TNR: variants seen among roughly 807,000 people sequenced by gnomAD.
The protein encoded by TNR is tenascin-R.
Under a neutral mutation model 150.4 loss-of-function variants are expected in TNR, and 45 were observed. The ratio of observed to expected loss-of-function variants is 0.30; its 90% CI spans 0.24 to 0.38. The LOEUF (loss-of-function observed/expected upper bound fraction) is 0.38. Ranked by LOEUF, TNR falls within the 10% of genes least tolerant of loss-of-function variation. TNR has a pLI of 1.00. For missense variants in TNR, 1,544 were observed against 1,759.1 expected, an observed-to-expected ratio of 0.88 and a Z score of 2.19; for synonymous variants, 687 against 678.4, an observed-to-expected ratio of 1.01 and a Z score of -0.20.
At chr1:175,691,009 G>A (rs1666345870) in intron 1 of TNR, among the ~76,000 whole-genome samples, 1 of 152,194 alleles carries the variant, frequency 6.6e-6, no homozygotes, top group Admixed American at 6.5e-5. Flanking sequence ...TGGACTGTTG[G>A]ATGAAGAATT....
In TNR at chr1:175,440,713, T is replaced by C. The variant is rs532142443; in HGVS notation, c.-63-33936A>G. Among the ~76,000 whole-genome samples, 3 of 152,228 alleles carry C rather than the reference T, an allele frequency of 2.0e-5. No homozygotes were observed. In the East Asian group the frequency reaches 5.8e-4, roughly 29 times the overall value. ...TCAGTGTCGGGGGAGGATTCAGTTC[T>C]GTTAAGAGTTGAGAATAGATTCAGT... On this transcript the variant is annotated intron_variant, in intron 2 of 22. Coordinates refer to ENST00000367674, the MANE Select transcript of TNR (RefSeq NM_003285.3).
At chr1:175,535,042 A>G (rs1273669345) in intron 1 of TNR, among the ~76,000 whole-genome samples, 1 of 152,178 alleles carries the variant, frequency 6.6e-6, no homozygotes, top group African/African-American at 2.4e-5. Flanking sequence ...CTGTGAGTCA[A>G]TTAAACCTCT....
At position 175,406,292 on chromosome 1, in the gene TNR, G is replaced by T. The variant is rs1215247478; in HGVS notation, c.423C>A (p.Ile141=). 2 of 1,614,012 alleles carry T rather than the reference G, an allele frequency of 1.2e-6. No homozygotes were observed. The highest frequency in any genetic ancestry group is 3.3e-5 in the Admixed American group (2 of 60,004). ...AQVLQELLSR[I]EMLEREVSVL... ...CCGACACCTCCCTCTCCAGCATCTC[G>T]ATCCGGCTCAGCAGCTCCTGCAGCA... is the stretch of plus-strand genomic sequence containing the variant. The change falls in exon 3 of 23, where the codon ATC becomes ATA. Residue 141 remains isoleucine (I), a synonymous_variant. Transcript: ENST00000367674.
intron 1 of TNR, among the ~76,000 whole-genome samples, chr1:175,728,608 A>G (rs534061076): frequency 1.3e-5 from 2 of 152,318 alleles, no homozygotes; most frequent in African/African-American, 2.4e-5. Flanking sequence ...TCTGCTTTCC[A>G]TAAGTGCTAC....
At chr1:175,640,881 G>A (rs1664636331) in intron 1 of TNR, among the ~76,000 whole-genome samples, 1 of 151,676 alleles carries the variant, frequency 6.6e-6, no homozygotes, top group Non-Finnish European at 1.5e-5. Flanking sequence ...AATTAAATGT[G>A]TAACCCCTGT....
intron 2 of TNR, among the ~76,000 whole-genome samples, chr1:175,481,237 A>AGTGAACAAATGAATGAATGAATGT (rs1352120216): frequency 2.0e-5 from 3 of 152,236 alleles, no homozygotes; most frequent in African/African-American, 7.2e-5. Flanking sequence ...TTGATGAATG[A>AGTGAACAAATGAATGAATGAATGT]GTGAACAAAT....
intron 1 of TNR, among the ~76,000 whole-genome samples, chr1:175,547,225 C>T (rs1660726312): frequency 6.6e-6 from 1 of 152,216 alleles, no homozygotes; most frequent in African/African-American, 2.4e-5. Context: ...CAGATATCAG[C>T]ATCTCTGCCC....
chr1:175,466,406 T>G (rs1460020107), intron 2 of TNR, among the ~76,000 whole-genome samples: 1 of 152,220 alleles, frequency 6.6e-6, no homozygotes, highest in Admixed American at 6.5e-5. Context: ...CCCCATTTGG[T>G]CACTTGGCTT....
At chr1:175,325,866 T>G in intron 21 of TNR, among the ~76,000 whole-genome samples, 1 of 147,832 alleles carries the variant, frequency 6.8e-6, no homozygotes, top group African/African-American at 2.5e-5. Flanking sequence ...CAGGGCCTGT[T>G]GTGGGGTGGG....
intron 1 of TNR, among the ~76,000 whole-genome samples, chr1:175,695,373 C>T (rs901640026): frequency 4.0e-5 from 6 of 151,802 alleles, no homozygotes; most frequent in Admixed American, 6.5e-5. Flanking sequence ...AGTGTCTTTA[C>T]TGTAACTTCA....
chr1:175,391,566 C>G, intron 6 of TNR, 128 bp from the exon 7 acceptor site: 1 of 1,048,358 alleles, frequency 9.5e-7, no homozygotes, highest in Non-Finnish European at 1.4e-6. Flanking sequence ...ATGTCTCTTT[C>G]CTCCATGCTG....
At chr1:175,581,716 G>C (rs1662357219) in intron 1 of TNR, among the ~76,000 whole-genome samples, 1 of 152,156 alleles carries the variant, frequency 6.6e-6, no homozygotes, top group African/African-American at 2.4e-5. Flanking sequence ...TTTGCAAAAT[G>C]ACAGATTAGA....
At chr1:175,487,128 T>C (rs1009202009) in intron 2 of TNR, among the ~76,000 whole-genome samples, 3 of 152,246 alleles carry the variant, frequency 2.0e-5, no homozygotes, top group Non-Finnish European at 4.4e-5. Context: ...TTTAGTTTAA[T>C]TAGATCCCAT....
intron 1 of TNR, among the ~76,000 whole-genome samples, chr1:175,580,064 C>G (rs997090475): frequency 6.6e-6 from 1 of 152,160 alleles, no homozygotes; most frequent in African/African-American, 2.4e-5. Flanking sequence ...AGCCCACTAC[C>G]TGACATCTAG....
intron 1 of TNR, among the ~76,000 whole-genome samples, chr1:175,620,102 A>G (rs1442229709): frequency 2.0e-5 from 3 of 152,224 alleles, no homozygotes; most frequent in Admixed American, 1.3e-4. Flanking sequence ...ATAAATCTCC[A>G]TCTGGCTCTT....
At chr1:175,627,684 G>A (rs1293222562) in intron 1 of TNR, among the ~76,000 whole-genome samples, 2 of 152,040 alleles carry the variant, frequency 1.3e-5, no homozygotes, top group African/African-American at 2.4e-5. Context: ...CATCATAATT[G>A]CCATCCCCCA....
At chr1:175,469,734 C>T (rs922878584) in intron 2 of TNR, among the ~76,000 whole-genome samples, 1 of 151,982 alleles carries the variant, frequency 6.6e-6, no homozygotes, top group Non-Finnish European at 1.5e-5. Flanking sequence ...GAAGTGAGAT[C>T]TCTCTACTGG....
intron 1 of TNR, among the ~76,000 whole-genome samples, chr1:175,541,843 A>G (rs1353082595): frequency 6.6e-6 from 1 of 152,188 alleles, no homozygotes; most frequent in Admixed American, 6.5e-5. Context: ...CTACTGAAAA[A>G]ATGGGGTTAA....
At position 175,316,129 on chromosome 1, in the gene TNR, G is replaced by T. The variant is rs1228306625; in HGVS notation, c.*7228C>A. 1 of 152,136 alleles carries T rather than the reference G, an allele frequency of 6.6e-6. No homozygotes were observed. Among genetic ancestry groups the T allele is most frequent in the Non-Finnish European group, 1.5e-5 (1 of 68,028 alleles). 9.4% of individuals were successfully genotyped at this position (152,136 alleles called of 1,614,324 possible). ...AAACATCATTCAATTAAAGGGAAGGGGTTTATGTCTGGAGTTTTGGCCTGG... is the reference window on the plus strand; with the variant it reads ...AAACATCATTCAATTAAAGGGAAGGTGTTTATGTCTGGAGTTTTGGCCTGG... On this transcript the variant is annotated 3_prime_UTR_variant, in exon 23 of 23. Coordinates refer to ENST00000367674, the MANE Select transcript of TNR (RefSeq NM_003285.3).
Sources: gnomAD v4.1 joint callset for allele counts (sites outside exome capture counted in the v4.1 genomes callset) on GRCh38, gnomAD v4.1.1 for gene constraint, MANE v1.5 for transcripts, NCBI Gene and HGNC (gene_info 2026-07-23, HGNC 2026-07-21) for gene names.